The following AFF2 variants were observed in gnomAD, a reference collection of about 807,000 sequenced individuals.
The protein encoded by AFF2 is ALF transcription elongation factor 2, also known as AF4/FMR2 family member 2.
Under a neutral mutation model 76.9 loss-of-function variants are expected in AFF2, and 14 were observed. That is an observed-to-expected ratio of 0.18 (90% confidence interval 0.12 to 0.28). AFF2 has a LOEUF of 0.28. Ranked by LOEUF, AFF2 falls within the 10% of genes least tolerant of loss-of-function variation. The pLI is 1.00. For synonymous variants in AFF2, 398 were observed against 366.7 expected, an observed-to-expected ratio of 1.09 and a Z score of -0.98; for missense variants, 868 against 1,001.1, an observed-to-expected ratio of 0.87 and a Z score of 1.79.
At chrX:148,550,944 G>A (rs782744048) in intron 1 of AFF2, among the ~76,000 whole-genome samples, 1 of 108,182 alleles carries the variant, frequency 9.2e-6, no homozygotes, top group Non-Finnish European at 1.9e-5. Context: ...CCTGATTATC[G>A]TCCTGAGTTT....
At chrX:148,704,380 T>TTA (rs1176806789) in intron 3 of AFF2, among the ~76,000 whole-genome samples, 268 of 6,955 alleles carry the variant, frequency 0.039, 29 homozygotes, top group African/African-American at 0.11. Flanking sequence ...ATATATATAT[T>TTA]TATATATATG....
intron 4 of AFF2, among the ~76,000 whole-genome samples, chrX:148,824,690 C>T (rs2070367177): frequency 9.0e-6 from 1 of 111,706 alleles, no homozygotes; most frequent in Admixed American, 9.5e-5. Flanking sequence ...GATTGTGTGA[C>T]CCTCACACTT....
chrX:148,667,611 C>T (rs1411947079), intron 3 of AFF2, among the ~76,000 whole-genome samples: 3 of 111,914 alleles, frequency 2.7e-5, no homozygotes, highest in Non-Finnish European at 3.8e-5. Flanking sequence ...GCATATCTCA[C>T]ATTATGGCAG....
At chrX:148,646,997 A>G (rs1352096100) in intron 1 of AFF2, among the ~76,000 whole-genome samples, 1 of 112,409 alleles carries the variant, frequency 8.9e-6, no homozygotes, top group Non-Finnish European at 1.9e-5. Context: ...CTTAACAAAA[A>G]GAAGTTATGT....
intron 9 of AFF2, among the ~76,000 whole-genome samples, chrX:148,942,892 G>A (rs781902106): frequency 3.6e-5 from 4 of 111,323 alleles, no homozygotes; most frequent in African/African-American, 9.8e-5. Context: ...GGGTTGTTGC[G>A]GGCAGTTAAG....
At chrX:148,624,127 A>C (rs973381634) in intron 1 of AFF2, among the ~76,000 whole-genome samples, 3 of 111,769 alleles carry the variant, frequency 2.7e-5, no homozygotes, top group African/African-American at 6.5e-5. Context: ...TTAGTGGGCA[A>C]TTTTGAAGTG....
At chrX:148,965,221 CCT>C (rs2072157448) in intron 13 of AFF2, among the ~76,000 whole-genome samples, 3 of 111,473 alleles carry the variant, frequency 2.7e-5, no homozygotes, top group African/African-American at 9.8e-5. Context: ...GCCATGAGGG[CCT>C]GCATTTTGAG....
intron 1 of AFF2, among the ~76,000 whole-genome samples, chrX:148,632,972 A>G (rs2053994761): frequency 8.9e-6 from 1 of 111,838 alleles, no homozygotes; most frequent in Non-Finnish European, 1.9e-5. Flanking sequence ...CCTGAGATTG[A>G]TCTATTCGAA....
At chrX:148,726,272 C>T (rs143737914) in intron 3 of AFF2, among the ~76,000 whole-genome samples, 14 of 111,900 alleles carry the variant, frequency 1.3e-4, no homozygotes, top group African/African-American at 4.2e-4. Flanking sequence ...TGAGACTTAG[C>T]GTCCAAGGTT....
intron 5 of AFF2, among the ~76,000 whole-genome samples, chrX:148,839,946 C>T (rs1039492734): frequency 2.0e-5 from 2 of 101,359 alleles, no homozygotes; most frequent in African/African-American, 7.4e-5. Flanking sequence ...TATGTGTATA[C>T]ACTATATAAT....
intron 3 of AFF2, among the ~76,000 whole-genome samples, chrX:148,755,550 G>C (rs1343758293): frequency 8.9e-6 from 1 of 112,021 alleles, no homozygotes; most frequent in African/African-American, 3.2e-5. Context: ...GGAGGTCACT[G>C]CATATGTCCA....
intron 7 of AFF2, among the ~76,000 whole-genome samples, chrX:148,869,111 T>G (rs1336051973): frequency 1.8e-5 from 2 of 112,603 alleles, no homozygotes; most frequent in East Asian, 5.6e-4. Context: ...AAATATAATA[T>G]GCTAAAAGCC....
At chrX:148,784,743 G>A (rs183682134) in intron 3 of AFF2, among the ~76,000 whole-genome samples, 3 of 111,838 alleles carry the variant, frequency 2.7e-5, no homozygotes, top group Admixed American at 1.9e-4. Context: ...CATGTTGTTC[G>A]CTCACTAATT....
intron 5 of AFF2, 30 bp from the exon 6 acceptor site, chrX:148,842,936 T>G: frequency 8.8e-7 from 1 of 1,137,866 alleles, no homozygotes. Flanking sequence ...ATTTAACTAA[T>G]GTTTGTGTCA....
intron 3 of AFF2, among the ~76,000 whole-genome samples, chrX:148,782,662 T>C (rs2069759788): frequency 8.9e-6 from 1 of 111,914 alleles, no homozygotes; most frequent in Non-Finnish European, 1.9e-5. Context: ...GTGAGCTTAT[T>C]ATCAGTAATA....
intron 4 of AFF2, among the ~76,000 whole-genome samples, chrX:148,821,316 T>C (rs782606566): frequency 1.8e-5 from 2 of 111,233 alleles, no homozygotes; most frequent in African/African-American, 3.3e-5. Context: ...CCTGTTCTAA[T>C]TGGTAGATCT....
intron 8 of AFF2, 32 bp from the exon 9 acceptor site, chrX:148,904,189 T>C: frequency 1.0e-6 from 1 of 976,011 alleles, no homozygotes; most frequent in Non-Finnish European, 1.5e-6. Context: ...CCTGCTAATA[T>C]TGTCTAATTG....
chrX:148,553,376 C>T (rs1360997471), intron 1 of AFF2, among the ~76,000 whole-genome samples: 1 of 112,100 alleles, frequency 8.9e-6, no homozygotes, highest in Non-Finnish European at 1.9e-5. Context: ...GAGTCATCAT[C>T]ATTTCAACAC....
In AFF2 at chrX:148,662,639, A is replaced by G. The variant is rs1557257980; in HGVS notation, c.912A>G (p.Thr304=). 1 of 1,211,666 alleles carries G rather than the reference A, an allele frequency of 8.3e-7. No homozygotes were observed. The highest frequency in any genetic ancestry group is 1.8e-5 in the South Asian group (1 of 56,987). The change falls in exon 3 of 21, where the codon ACA becomes ACG. Residue 304 remains threonine (T), a synonymous_variant. Transcript: ENST00000370460. Reference sequence around the variant, plus strand: ...ACCAGGCACCGGACATCTCACCAACACTGAAACCTTCAATTGAATTTGAGA... The same window carrying G: ...ACCAGGCACCGGACATCTCACCAACGCTGAAACCTTCAATTGAATTTGAGA... ...GQDQAPDISP[T]LKPSIEFENS... is the part of the protein sequence containing the mutation.
Sources: gnomAD v4.1 joint callset for allele counts (sites outside exome capture counted in the v4.1 genomes callset) on GRCh38, gnomAD v4.1.1 for gene constraint, MANE v1.5 for transcripts, NCBI Gene and HGNC (gene_info 2026-07-23, HGNC 2026-07-21) for gene names.